The following PLTP variants were observed in gnomAD, a reference collection of about 807,000 sequenced individuals.
PLTP encodes BPI fold containing family E.
A neutral mutation model predicts 54.1 loss-of-function variants in PLTP; 43 were observed. That is an observed-to-expected ratio of 0.79 (90% CI 0.62 to 1.02). The LOEUF (loss-of-function observed/expected upper bound fraction) is 1.02, where lower values mean the gene tolerates loss of function less well. Ranked by LOEUF, PLTP falls within the 50% of genes least tolerant of loss-of-function variation. The probability of loss-of-function intolerance (pLI) is 0.00; values close to 1 mark genes in which losing one functional copy is unlikely to be tolerated. For missense variants in PLTP, 604 were observed against 645.9 expected (o/e 0.94, Z 0.70); for synonymous variants, 263 against 264.6 (o/e 0.99, Z 0.06).
chr20:45,910,834 C>CT (rs1303172195), intron 3 of PLTP: 8 of 1,265,400 alleles, frequency 6.3e-6, no homozygotes, highest in Non-Finnish European at 8.1e-6. Context: ...GTGCCCGAGA[C>CT]TCCACTCTCA....
chr20:45,899,578 G>T (rs756338897), intron 14 of PLTP, 40 bp from the exon 15 acceptor site: 2 of 1,614,100 alleles, frequency 1.2e-6, no homozygotes, highest in South Asian at 2.2e-5. Context: ...GGCCCGCCCA[G>T]TTCACCCCTC....
chr20:45,909,006 C>G (rs533307755), intron 5 of PLTP, among the ~76,000 whole-genome samples: 1 of 141,322 alleles, frequency 7.1e-6, no homozygotes, highest in Non-Finnish European at 1.5e-5. Context: ...TGCTCTGTCA[C>G]CAGGCTGGAG....
chr20:45,911,589 C>A, intron 1 of PLTP, 126 bp from the exon 2 acceptor site: 3 of 1,328,096 alleles, frequency 2.3e-6, no homozygotes, highest in Non-Finnish European at 2.1e-6. Flanking sequence ...AACTTGGAAC[C>A]AATAATCTTG....
rs944480430 is a variant in PLTP, at chr20:45,911,213, C to T, written c.139G>A (p.Glu47Lys). ...EGLRFLEQEL[E>K]TITIPDLRGK... is the part of the protein sequence containing the mutation. ...CGCAGGTCCGGAATGGTGATAGTCT[C>T]CAGCTCTTGCTCCAGAAAGCGCAGC... The change falls in exon 3 of 16, where the codon GAG becomes AAG. Residue 47 changes from glutamate (E) to lysine (K), a missense_variant. Transcript: ENST00000372431. 6.2e-7 allele frequency: 1 copy of T among 1,614,036 alleles called. No individual in the cohort carries two copies. The highest frequency in any genetic ancestry group is 1.3e-5 in the African/African-American group (1 of 74,916).
Position 45,902,569 on chromosome 20 carries a change from C to T in PLTP, c.978G>A (p.Glu326=). The change falls in exon 11 of 16, where the codon GAG becomes GAA. Residue 326 remains glutamate, a synonymous_variant. Coordinates refer to ENST00000372431, the MANE Select transcript of PLTP (RefSeq NM_006227.4). ...AGCGCGGTGGGGCCAGGACCCGCAG[C>T]TCCAGCTTCAATGGGGAGTCAATCA... ...PAVIDSPLKL[E]LRVLAPPRCT... 6.2e-7 allele frequency: 1 copy of T among 1,613,522 alleles called. No homozygotes were observed. The highest frequency in any genetic ancestry group is 8.5e-7 in the Non-Finnish European group (1 of 1,179,712).
In PLTP at chr20:45,898,836, G is replaced by T; in HGVS notation, c.*105C>A. 7.8e-7 allele frequency: 1 copy of T among 1,275,318 alleles called. No homozygotes were observed. The highest frequency in any genetic ancestry group is 1.4e-5 in the South Asian group (1 of 72,626). The allele number at this position is 1,275,318 out of a possible 1,614,324, so 79.0% of individuals were successfully genotyped here. On this transcript the variant is annotated 3_prime_UTR_variant, in exon 16 of 16. Coordinates refer to ENST00000372431, the MANE Select transcript of PLTP (RefSeq NM_006227.4). The surrounding 1 kb of genome is among the most constrained non-coding windows in gnomAD (Gnocchi z 4.6). ...CAGCTTCAAATCCCGTCTTCTCTGT[G>T]GCACTGGGGGTTAGAGGGGGCACTA...
intron 12 of PLTP, among the ~76,000 whole-genome samples, chr20:45,900,821 AC>A (rs1254180400): frequency 1.2e-4 from 18 of 152,198 alleles, no homozygotes; most frequent in African/African-American, 4.3e-4. Flanking sequence ...GAGCCACTGC[AC>A]CCAGCCAACG....
chr20:45,907,876 T>C lies in PLTP; in HGVS notation c.514A>G (p.Ile172Val). 1 of 1,590,742 alleles carries C rather than the reference T, an allele frequency of 6.3e-7. No homozygotes were observed. Residue 172 changes from isoleucine to valine, a missense_variant, in exon 6 of 16, where the codon ATC becomes GTC. By Grantham distance (29) the Ile-to-Val change is conservative. Coordinates refer to ENST00000372431, the MANE Select transcript of PLTP (RefSeq NM_006227.4). ...AGGAGGAAGCGCATCCCTGAGGTGA[T>C]GAACGTGGAGAGAAAATCATACACC... ...KKVYDFLSTF[I>V]TSGMRFLLNQ...
chr20:45,904,033 C>G (rs987603019), intron 10 of PLTP, among the ~76,000 whole-genome samples: 1 of 152,094 alleles, frequency 6.6e-6, no homozygotes, highest in Admixed American at 6.6e-5. Flanking sequence ...AATTGAGGCA[C>G]AGATAGGTTA....
chr20:45,902,633 A>C (rs775222552), intron 10 of PLTP, 29 bp from the exon 11 acceptor site: 39 of 1,561,950 alleles, frequency 2.5e-5, no homozygotes, highest in Non-Finnish European at 3.3e-5. Flanking sequence ...GGGCGGGTCA[A>C]GTCCCTGCCA....
intron 6 of PLTP, 33 bp downstream of exon 6, chr20:45,907,808 C>G: frequency 6.2e-7 from 1 of 1,607,542 alleles, no homozygotes; most frequent in Non-Finnish European, 8.5e-7. Flanking sequence ...GCATGCCCAC[C>G]CTTGCCACCC....
At chr20:45,904,887 G>A (rs1431783951) in intron 9 of PLTP, 28 bp from the exon 10 acceptor site, 1 of 1,614,062 alleles carries the variant, frequency 6.2e-7, no homozygotes, top group Admixed American at 1.7e-5. Flanking sequence ...GAGTGAGGGA[G>A]TGAGCTCTGT....
At chr20:45,901,446 TAGTC>T (rs200992776) in intron 12 of PLTP, among the ~76,000 whole-genome samples, 2,200 of 151,122 alleles carry the variant, frequency 0.015, 46 homozygotes, top group Non-Finnish European at 0.018. Flanking sequence ...AAAAATAAAA[TAGTC>T]AGGCATGGTA....
chr20:45,911,691 C>T, intron 1 of PLTP: 1 of 612,870 alleles, frequency 1.6e-6, no homozygotes, highest in Non-Finnish European at 2.9e-6. Flanking sequence ...GGGGAGGGGA[C>T]GTTCCCAGTT....
chr20:45,909,924 A>G lies in PLTP; in HGVS notation c.329+18T>C, dbSNP rs748452683. The G allele has an allele frequency of 6.2e-7, 1 of 1,613,832 alleles. No individual in the cohort carries two copies. Among genetic ancestry groups the G allele is most frequent in the Admixed American group, 1.7e-5 (1 of 60,018 alleles). On this transcript the variant is annotated intron_variant, in intron 4 of 15. Coordinates refer to ENST00000372431, the MANE Select transcript of PLTP (RefSeq NM_006227.4). ...TCCTGACCCACTCTCCACTCCCCTG[A>G]GGGTGCTGGGTCCTTACAAGAACCA...
chr20:45,905,906 T>G (rs550492093), intron 8 of PLTP, among the ~76,000 whole-genome samples: 4 of 152,204 alleles, frequency 2.6e-5, no homozygotes, highest in Non-Finnish European at 5.9e-5. Context: ...CTCACAGGGT[T>G]GTGAGAGAAT....
chr20:45,900,217 G>C (rs1184532080), intron 12 of PLTP, among the ~76,000 whole-genome samples: 1 of 146,498 alleles, frequency 6.8e-6, no homozygotes, highest in African/African-American at 2.6e-5. Flanking sequence ...CCATTCTCCT[G>C]GCTCAGCCTC....
Position 45,902,617 on chromosome 20 carries a change from C to G in PLTP, c.943-13G>C, listed in dbSNP as rs1287505343. ...TCACTGCTGGGCTCTGGGGGATGAG[C>G]AGCAGGGGCGGGTCAAGTCCCTGCC... On this transcript the variant is annotated splice_polypyrimidine_tract_variant and intron_variant, in intron 10 of 15. Transcript: ENST00000372431. 9 of 1,589,466 alleles carry G rather than the reference C, an allele frequency of 5.7e-6. No individual in the cohort carries two copies. The highest frequency in any genetic ancestry group is 7.7e-6 in the Non-Finnish European group (9 of 1,166,784).
At chr20:45,910,474 C>T (rs775743231) in intron 3 of PLTP, among the ~76,000 whole-genome samples, 8 of 151,910 alleles carry the variant, frequency 5.3e-5, no homozygotes, top group African/African-American at 1.2e-4. Context: ...ACTTAGCAGA[C>T]CGTGGTGGCA....
Sources: allele counts gnomAD v4.1 joint callset (sites outside exome capture counted in the v4.1 genomes callset), GRCh38; gene constraint gnomAD v4.1.1; non-coding constraint Gnocchi (gnomAD v3.1); transcripts MANE v1.5; gene names NCBI Gene and HGNC (gene_info 2026-07-23, HGNC 2026-07-21).